FBXL13: variants seen among roughly 807,000 people sequenced by gnomAD.
FBXL13 encodes F-box and leucine-rich repeat protein 13.
Under a neutral mutation model 83.6 loss-of-function variants are expected in FBXL13, and 67 were observed. The ratio of observed to expected loss-of-function variants is 0.80; its 90% confidence interval spans 0.66 to 0.98. The LOEUF (loss-of-function observed/expected upper bound fraction) is 0.98. Ranked by LOEUF, FBXL13 falls within the 50% of genes least tolerant of loss-of-function variation. The pLI is 0.00. For missense variants in FBXL13, 822 were observed against 866.5 expected, an observed-to-expected ratio of 0.95 and a Z score of 0.64; for synonymous variants, 272 against 299.5, an observed-to-expected ratio of 0.91 and a Z score of 0.95.
chr7:102,988,349 C>T (rs1473390212), intron 6 of FBXL13: 1 of 152,174 alleles, frequency 6.6e-6, no homozygotes, highest in Non-Finnish European at 1.5e-5. Flanking sequence ...TCAGATAACA[C>T]TTGGAATATT....
intron 14 of FBXL13, 136 bp downstream of exon 15, chr7:102,883,169 C>G: frequency 1.2e-6 from 1 of 815,156 alleles, no homozygotes; most frequent in Non-Finnish European, 1.8e-6. Context: ...CTACAGAACT[C>G]TGCACTTACC....
At chr7:103,023,088 A>G (rs1793404423) in intron 6 of FBXL13, among the ~76,000 whole-genome samples, 1 of 152,106 alleles carries the variant, frequency 6.6e-6, no homozygotes, top group South Asian at 2.1e-4. Context: ...CATCCTGGCT[A>G]ACACGGTGAA....
intron 6 of FBXL13, among the ~76,000 whole-genome samples, chr7:102,986,497 G>A (rs1414157116): frequency 6.6e-6 from 1 of 152,148 alleles, no homozygotes; most frequent in African/African-American, 2.4e-5. Flanking sequence ...AGAAATCATG[G>A]AGTCTCCCGC....
At chr7:102,982,514 T>G (rs1828375378) in intron 6 of FBXL13, among the ~76,000 whole-genome samples, 1 of 152,160 alleles carries the variant, frequency 6.6e-6, no homozygotes, top group Non-Finnish European at 1.5e-5. Flanking sequence ...CAAAGGCCAC[T>G]TCACCATTCT....
At chr7:102,887,926 T>C (rs556005738) in intron 11 of FBXL13, among the ~76,000 whole-genome samples, 3 of 152,208 alleles carry the variant, frequency 2.0e-5, no homozygotes, top group African/African-American at 7.2e-5. Flanking sequence ...ACAGTGACCA[T>C]GTATAGTCAG....
chr7:102,936,347 A>C (rs1438697394), intron 8 of FBXL13: 1 of 152,218 alleles, frequency 6.6e-6, no homozygotes, highest in East Asian at 1.9e-4. Flanking sequence ...TAAGAAGTGA[A>C]TCTTGGTCTA....
intron 14 of FBXL13, among the ~76,000 whole-genome samples, chr7:102,880,408 C>T (rs967530566): frequency 1.3e-5 from 2 of 152,184 alleles, no homozygotes; most frequent in South Asian, 4.1e-4. Context: ...ATACTTCTCT[C>T]CTCTGTGAGT....
rs538747820 is a variant in FBXL13, at chr7:102,916,801, T to G, written c.879-3586A>C. ...GATAACTGTTTCTTATGGGGGGGGG[T>G]GTGAGTCCTCTCTTTGTGATTTATT... On this transcript the variant is annotated intron_variant, in intron 10 of 19. Transcript: ENST00000313221. Among the ~76,000 whole-genome samples, 589 of 145,936 alleles carry G rather than the reference T, an allele frequency of 4.0e-3. 5 individuals are homozygous for G. Among genetic ancestry groups the G allele is most frequent in the African/African-American group, 0.014 (560 of 38,722 alleles).
At chr7:102,994,879 G>C (rs988200938) in intron 6 of FBXL13, among the ~76,000 whole-genome samples, 1 of 152,100 alleles carries the variant, frequency 6.6e-6, no homozygotes, top group African/African-American at 2.4e-5. Context: ...GGTTTTCTGG[G>C]AACTCAGAGT....
At chr7:102,942,919 C>G (rs1821744916) in intron 8 of FBXL13, among the ~76,000 whole-genome samples, 1 of 152,116 alleles carries the variant, frequency 6.6e-6, no homozygotes, top group Non-Finnish European at 1.5e-5. Flanking sequence ...TCTGGAGTAT[C>G]TGGCTGGTCC....
intron 8 of FBXL13, among the ~76,000 whole-genome samples, chr7:102,955,689 G>A (rs1198811109): frequency 6.6e-6 from 1 of 151,736 alleles, no homozygotes; most frequent in Non-Finnish European, 1.5e-5. Context: ...AATAAAAAAT[G>A]ATAAAGGGGA....
At position 103,055,494 on chromosome 7, in the gene FBXL13, C is replaced by T. The variant is rs77251511; in HGVS notation, c.-1+150G>A. On this transcript the variant is annotated intron_variant, in intron 2 of 19. Coordinates refer to ENST00000313221, the Ensembl canonical transcript of FBXL13. The stretch of plus-strand genomic sequence containing the variant: ...CTAGTGGGCAAATTATTCAGGTTTG[C>T]GTCTTTGAAACTGAAAAGCCTGTGG... 1,813 of 355,396 alleles carry T rather than the reference C, an allele frequency of 5.1e-3. 36 individuals carry two copies. The highest frequency in any genetic ancestry group is 0.037 in the African/African-American group (1,713 of 45,686). 22.0% of individuals were successfully genotyped at this position (355,396 alleles called of 1,614,324 possible). A position where few individuals can be genotyped will look rare whatever the true frequency, so the allele number is the denominator to read the frequency against.
chr7:102,902,991 T>C (rs928032341), intron 11 of FBXL13, among the ~76,000 whole-genome samples: 6 of 152,156 alleles, frequency 3.9e-5, no homozygotes, highest in Admixed American at 2.0e-4. Context: ...AGGGATTTCA[T>C]TGAATCTGTA....
intron 6 of FBXL13, chr7:102,976,244 T>A (rs866407387): frequency 1.4e-6 from 1 of 720,776 alleles, no homozygotes; most frequent in Middle Eastern, 2.4e-4. Flanking sequence ...GGCCAGTATG[T>A]TTTTAAAATT....
At chr7:103,074,610 T>G (rs1416510196), upstream of FBXL13, 1 of 1,256,174 alleles carries the variant, frequency 8.0e-7, no homozygotes, top group Non-Finnish European at 1.0e-6. Flanking sequence ...CGAAACCTAG[T>G]CCCTCCTCCG....
At chr7:102,945,531 T>G (rs1356652494) in intron 8 of FBXL13, among the ~76,000 whole-genome samples, 1 of 151,976 alleles carries the variant, frequency 6.6e-6, no homozygotes, top group Admixed American at 6.5e-5. Flanking sequence ...GAGGAGGTGG[T>G]GCCCAAAAGA....
At chr7:102,976,217 C>T in intron 6 of FBXL13, 1 of 752,048 alleles carries the variant, frequency 1.3e-6, no homozygotes. Flanking sequence ...CAAGGGTAAC[C>T]CTGATGGTGG....
chr7:102,974,447 C>G (rs1165780322), intron 6 of FBXL13, among the ~76,000 whole-genome samples: 1 of 152,102 alleles, frequency 6.6e-6, no homozygotes, highest in African/African-American at 2.4e-5. Flanking sequence ...ATCCATCCTC[C>G]TTGTCTTTTT....
chr7:102,941,112 A>G (rs1238658235), intron 8 of FBXL13, among the ~76,000 whole-genome samples: 1 of 152,246 alleles, frequency 6.6e-6, no homozygotes, highest in Non-Finnish European at 1.5e-5. Context: ...CCCAAGGGAC[A>G]GCAGTATGCT....
Sources: allele counts gnomAD v4.1 joint callset (sites outside exome capture counted in the v4.1 genomes callset), GRCh38; gene constraint gnomAD v4.1.1; transcripts MANE v1.5; gene names NCBI Gene and HGNC (gene_info 2026-07-23, HGNC 2026-07-21).